Variants in PTPRG observed in about 807,000 individuals in gnomAD.
PTPRG encodes the protein protein tyrosine phosphatase receptor type G, also known as receptor-type tyrosine-protein phosphatase gamma.
In PTPRG, 102 loss-of-function variants were observed where a neutral mutation model predicts 165.3. That is an observed-to-expected ratio of 0.62 (90% CI 0.53 to 0.73). The LOEUF (loss-of-function observed/expected upper bound fraction) is 0.73. Among genes scored for constraint, PTPRG ranks in the 30% least tolerant of loss-of-function variants. The pLI is 0.00. For missense variants in PTPRG, 1,866 were observed against 1,861.4 expected, an observed-to-expected ratio of 1.00 and a Z score of -0.05; for synonymous variants, 675 against 669.5, an observed-to-expected ratio of 1.01 and a Z score of -0.13.
At chr3:62,142,595 C>A (rs1379061643) in intron 6 of PTPRG, among the ~76,000 whole-genome samples, 2 of 152,156 alleles carry the variant, frequency 1.3e-5, no homozygotes, top group African/African-American at 4.8e-5. Flanking sequence ...GGCCTCACAA[C>A]AACCAAAGGG....
intron 1 of PTPRG, among the ~76,000 whole-genome samples, chr3:61,676,989 G>C (rs1183840897): frequency 6.6e-6 from 1 of 152,178 alleles, no homozygotes; most frequent in Non-Finnish European, 1.5e-5. Flanking sequence ...GCTCAGGCCT[G>C]TAATCCCAGC....
chr3:62,080,226 GC>G (rs2106759553), intron 5 of PTPRG, among the ~76,000 whole-genome samples: 1 of 141,530 alleles, frequency 7.1e-6, no homozygotes, highest in South Asian at 2.3e-4. Context: ...GTGCTACTAT[GC>G]CCAGCTAATT....
chr3:62,291,876 A>C (rs1201663470), intron 28 of PTPRG, among the ~76,000 whole-genome samples: 3 of 152,200 alleles, frequency 2.0e-5, no homozygotes, highest in Non-Finnish European at 4.4e-5. Flanking sequence ...TTTCATAGAA[A>C]GTGCTCTCAT....
At chr3:61,864,372 T>G (rs547746830) in intron 2 of PTPRG, among the ~76,000 whole-genome samples, 8 of 152,132 alleles carry the variant, frequency 5.3e-5, no homozygotes, top group South Asian at 2.1e-4. Flanking sequence ...ACGATGCCCA[T>G]GTATGATAGG....
chr3:62,195,021 C>T lies in PTPRG; in HGVS notation c.1219-41C>T, dbSNP rs370170732. 6.3e-6 allele frequency: 10 copies of T among 1,591,694 alleles called. No individual in the cohort carries two copies. Among genetic ancestry groups the T allele is most frequent in the Non-Finnish European group, 6.9e-6 (8 of 1,159,768 alleles). ...TTTAGAATGCAAAGTGTGCCTTGGC[C>T]TTCAAAACTAACTCACTGCTTTTTC... is the stretch of plus-strand genomic sequence containing the variant. On this transcript the variant is annotated intron_variant, in intron 9 of 29. Transcript: ENST00000474889. The surrounding 1 kb of genome is among the most constrained non-coding windows in gnomAD (Gnocchi z 4.4).
At chr3:61,671,591 T>TC (rs1702990159) in intron 1 of PTPRG, among the ~76,000 whole-genome samples, 1 of 145,030 alleles carries the variant, frequency 6.9e-6, no homozygotes, top group Non-Finnish European at 1.5e-5. Flanking sequence ...TCCCCACCTT[T>TC]CCCCCCTTTC....
At chr3:62,159,701 T>A (rs898831198) in intron 7 of PTPRG, among the ~76,000 whole-genome samples, 1 of 152,320 alleles carries the variant, frequency 6.6e-6, no homozygotes, top group African/African-American at 2.4e-5. Flanking sequence ...GTATTGTATT[T>A]CAGGGAAATA....
chr3:61,589,951 G>A (rs1356848151), intron 1 of PTPRG, among the ~76,000 whole-genome samples: 3 of 152,118 alleles, frequency 2.0e-5, no homozygotes, highest in African/African-American at 7.2e-5. Flanking sequence ...ACAGTTTAGG[G>A]AATCTGTGGT....
intron 4 of PTPRG, among the ~76,000 whole-genome samples, chr3:62,038,698 G>A (rs982689460): frequency 2.6e-5 from 4 of 152,150 alleles, no homozygotes; most frequent in Admixed American, 2.0e-4. Context: ...GCCCGGCCAT[G>A]CTTTGTTTCT....
intron 8 of PTPRG, among the ~76,000 whole-genome samples, chr3:62,178,642 C>G (rs546530041): frequency 3.8e-4 from 58 of 152,330 alleles, no homozygotes; most frequent in Middle Eastern, 6.8e-3. Context: ...TCAGGATGCT[C>G]TCAGGCAGAA....
chr3:61,752,795 A>AAAAAAAG (rs565583846), intron 2 of PTPRG, among the ~76,000 whole-genome samples: 17,098 of 108,022 alleles, frequency 0.16, 1,871 homozygotes, highest in East Asian at 0.48. Context: ...CAAAAAAAAA[A>AAAAAAAG]AAAAAAGAAA....
intron 5 of PTPRG, among the ~76,000 whole-genome samples, chr3:62,110,986 G>A (rs578252885): frequency 5.9e-5 from 9 of 152,318 alleles, no homozygotes; most frequent in African/African-American, 1.9e-4. Flanking sequence ...CTTGTGGAAT[G>A]TCATTGTTTT....
At chr3:61,763,099 T>C (rs1230305711) in intron 2 of PTPRG, among the ~76,000 whole-genome samples, 1 of 152,130 alleles carries the variant, frequency 6.6e-6, no homozygotes, top group East Asian at 1.9e-4. Context: ...TGGATCGTGT[T>C]CTCATGCTTA....
intron 2 of PTPRG, among the ~76,000 whole-genome samples, chr3:61,832,939 G>C (rs1189806920): frequency 6.6e-6 from 1 of 152,126 alleles, no homozygotes; most frequent in African/African-American, 2.4e-5. Flanking sequence ...TCCCACTTAT[G>C]AGTGAAAACA....
intron 1 of PTPRG, among the ~76,000 whole-genome samples, chr3:61,727,983 C>G (rs4333080): frequency 0.26 from 39,797 of 152,130 alleles, 5,989 homozygotes; most frequent in East Asian, 0.7. Flanking sequence ...GTAGCTGAAC[C>G]ATTTGTGATA....
In PTPRG at chr3:62,003,456, G is replaced by A; in HGVS notation, c.478G>A (p.Gly160Ser). 1 of 1,614,046 alleles carries A rather than the reference G, an allele frequency of 6.2e-7. No homozygotes were observed. Among genetic ancestry groups the A allele is most frequent in the Non-Finnish European group, 8.5e-7 (1 of 1,179,940 alleles). Reference sequence around the variant, plus strand: ...CTGGGGCCACAGCAATGGCTCAGCGGGCTCTGAACACAGCATCAATGGCAG... The same window carrying A: ...CTGGGGCCACAGCAATGGCTCAGCGAGCTCTGAACACAGCATCAATGGCAG... Reference protein sequence around the residue: ...FHWGHSNGSAGSEHSINGRRF... With the variant: ...FHWGHSNGSASSEHSINGRRF... The change falls in exon 4 of 30, where the codon GGC (glycine) becomes AGC (serine). Residue 160 changes from glycine (G) to serine (S), a missense_variant. Coordinates refer to ENST00000474889, the MANE Select transcript of PTPRG (RefSeq NM_002841.4).
chr3:61,742,191 A>T (rs1463455895), intron 1 of PTPRG, among the ~76,000 whole-genome samples: 1 of 152,142 alleles, frequency 6.6e-6, no homozygotes, highest in East Asian at 1.9e-4. Flanking sequence ...GAGAGTAAGG[A>T]TTACACAGAA....
intron 2 of PTPRG, among the ~76,000 whole-genome samples, chr3:61,848,322 G>A (rs2036864147): frequency 6.6e-6 from 1 of 152,230 alleles, no homozygotes; most frequent in Non-Finnish European, 1.5e-5. Flanking sequence ...TGCAGTCTTT[G>A]CCCTAGGCAG....
chr3:61,745,159 TCCTGCCTCAG>T (rs988470428), intron 1 of PTPRG, among the ~76,000 whole-genome samples: 11 of 150,372 alleles, frequency 7.3e-5, no homozygotes, highest in African/African-American at 2.7e-4. Context: ...CAAGCGATTC[TCCTGCCTCAG>T]CCTCCCGAGT....
Sources: allele counts gnomAD v4.1 joint callset (sites outside exome capture counted in the v4.1 genomes callset), GRCh38; gene constraint gnomAD v4.1.1; non-coding constraint Gnocchi (gnomAD v3.1); transcripts MANE v1.5; gene names NCBI Gene and HGNC (gene_info 2026-07-23, HGNC 2026-07-21).